The following KIRREL3 variants were observed in gnomAD, a reference collection of about 807,000 sequenced individuals.
The protein encoded by KIRREL3 is kin of IRRE-like protein 3.
Under a neutral mutation model 89.7 loss-of-function variants are expected in KIRREL3, and 36 were observed. The observed-to-expected ratio is 0.40, with a 90% confidence interval of 0.31 to 0.53. KIRREL3 has a LOEUF of 0.53. Ranked by LOEUF, KIRREL3 falls within the 20% of genes least tolerant of loss-of-function variation. The pLI is 0.49. For synonymous variants in KIRREL3, 445 were observed against 441.4 expected, an observed-to-expected ratio of 1.01 and a Z score of -0.10; for missense variants, 864 against 1,056.6, an observed-to-expected ratio of 0.82 and a Z score of 2.53.
In KIRREL3 at chr11:126,622,715, T is replaced by C. The variant is rs568723901; in HGVS notation, c.56-59803A>G. ...AAAAAACAAAAAAACAAATAAAAACTCCACAAAACTTCAGTGGAGACTAGA... is the reference window on the plus strand; with the variant it reads ...AAAAAACAAAAAAACAAATAAAAACCCCACAAAACTTCAGTGGAGACTAGA... On this transcript the variant is annotated intron_variant, in intron 1 of 16. Coordinates refer to ENST00000525144, the MANE Select transcript of KIRREL3 (RefSeq NM_032531.4). This position sits in a 1 kb window ranked among gnomAD's most constrained non-coding sequence, Gnocchi z 5.2. 3.3e-5 allele frequency among the ~76,000 whole-genome samples: 5 copies of C among 151,938 alleles called. No individual in the cohort carries two copies. Among genetic ancestry groups the C allele is most frequent in the Non-Finnish European group, 7.4e-5 (5 of 67,988 alleles).
rs1452527516 is a variant in KIRREL3 at position 126,780,605 on chromosome 11, T to C, written c.56-217693A>G. On this transcript the variant is annotated intron_variant, in intron 1 of 16. Coordinates refer to ENST00000525144, the MANE Select transcript of KIRREL3 (RefSeq NM_032531.4). This position sits in a 1 kb window ranked among gnomAD's most constrained non-coding sequence, Gnocchi z 5.3. ...AACATCAAGCTTGGGGGATGTCCCATGCAAAGGTAAACGAGTACCCAGAGG... is the reference window on the plus strand; with the variant it reads ...AACATCAAGCTTGGGGGATGTCCCACGCAAAGGTAAACGAGTACCCAGAGG... Among the ~76,000 whole-genome samples, 1 of 152,156 alleles carries C rather than the reference T, an allele frequency of 6.6e-6. No individual in the cohort carries two copies. The highest frequency in any genetic ancestry group is 2.4e-5 in the African/African-American group (1 of 41,442).
rs189688633 is a variant in KIRREL3, at chr11:126,568,589, G to A, written c.56-5677C>T. ...CACAGGGAGGCCACATGGGGCAGGGGAGGTTTCAGAACTAACAGAGCTGGC... is the reference window on the plus strand; with the variant it reads ...CACAGGGAGGCCACATGGGGCAGGGAAGGTTTCAGAACTAACAGAGCTGGC... On this transcript the variant is annotated intron_variant, in intron 1 of 16. Coordinates refer to ENST00000525144, the MANE Select transcript of KIRREL3 (RefSeq NM_032531.4). This position sits in a 1 kb window ranked among gnomAD's most constrained non-coding sequence, Gnocchi z 4.6. 9.2e-5 allele frequency among the ~76,000 whole-genome samples: 14 copies of A among 152,330 alleles called. No homozygotes were observed. In the East Asian group the frequency reaches 2.7e-3, roughly 29 times the overall value.
At chr11:126,517,772 G>A (rs879566468) in intron 4 of KIRREL3, among the ~76,000 whole-genome samples, 6 of 152,118 alleles carry the variant, frequency 3.9e-5, no homozygotes, top group Admixed American at 2.6e-4. Context: ...AGTTCTCAGC[G>A]ATCATCTTAT....
In KIRREL3 at chr11:126,715,611, T is replaced by C. The variant is rs2134156990; in HGVS notation, c.56-152699A>G. Among the ~76,000 whole-genome samples the C allele has an allele frequency of 6.6e-6, 1 of 152,212 alleles. No individual in the cohort carries two copies. The highest frequency in any genetic ancestry group is 1.5e-5 in the Non-Finnish European group (1 of 68,018). On this transcript the variant is annotated intron_variant, in intron 1 of 16. Coordinates refer to ENST00000525144, the MANE Select transcript of KIRREL3 (RefSeq NM_032531.4). The surrounding 1 kb of genome is among the most constrained non-coding windows in gnomAD (Gnocchi z 4.4). ...GGAATATAGGAGAACGTGGACCATT[T>C]TGCAAATCAAAAACAAGAGGAAAAG...
rs1444606086 is a variant in KIRREL3 at position 126,723,789 on chromosome 11, AC to A, written c.56-160878del. Among the ~76,000 whole-genome samples, 1 of 152,242 alleles carries A rather than the reference AC, an allele frequency of 6.6e-6. No homozygotes were observed. Among genetic ancestry groups the A allele is most frequent in the Non-Finnish European group, 1.5e-5 (1 of 68,046 alleles). On this transcript the variant is annotated intron_variant, in intron 1 of 16. Coordinates refer to ENST00000525144, the MANE Select transcript of KIRREL3 (RefSeq NM_032531.4). The surrounding 1 kb of genome is among the most constrained non-coding windows in gnomAD (Gnocchi z 4.0). ...GAAGAAGGAAAGATGGAAGGAAAAG[AC>A]TTGCACAGATGCTCTTTGTGACTCA...
rs150912161 is a variant in KIRREL3 at position 126,768,133 on chromosome 11, T to TATCCATCCATCCATCC, written c.56-205237_56-205222dup. On this transcript the variant is annotated intron_variant, in intron 1 of 16. Transcript: ENST00000525144. This position sits in a 1 kb window ranked among gnomAD's most constrained non-coding sequence, Gnocchi z 4.5. ...CTGTCCATCCATCTGTCTATCCATC[T>TATCCATCCATCCATCC]ATCCATCCATCCATCCATCCATCCA... Among the ~76,000 whole-genome samples, 253 of 127,516 alleles carry TATCCATCCATCCATCC rather than the reference T, an allele frequency of 2.0e-3. 3 individuals are homozygous for TATCCATCCATCCATCC. The highest frequency in any genetic ancestry group is 3.8e-3 in the Middle Eastern group (1 of 264). The allele number at this position is 127,516 out of a possible 152,430, so 83.7% of individuals were successfully genotyped here. A position where few individuals can be genotyped will look rare whatever the true frequency, so the allele number is the denominator to read the frequency against.
At chr11:126,873,242 C>T (rs557913457) in intron 1 of KIRREL3, among the ~76,000 whole-genome samples, 14 of 152,248 alleles carry the variant, frequency 9.2e-5, no homozygotes, top group African/African-American at 3.4e-4. Flanking sequence ...GTCAGATTTA[C>T]TTCTGCTGTG....
intron 1 of KIRREL3, among the ~76,000 whole-genome samples, chr11:126,785,249 G>A (rs1180799216): frequency 6.6e-6 from 1 of 152,166 alleles, no homozygotes; most frequent in East Asian, 1.9e-4. Flanking sequence ...AGCAAGCCAG[G>A]TGTCTCCTTA....
rs915359396 is a variant in KIRREL3, at chr11:126,987,696, G to A, written c.55+12759C>T. Reference sequence around the variant, plus strand: ...CATGTCCCACTGAAGTAAAAAGAAGGCATTTGAAGTATTCTATGCAGAGAT... The same window carrying A: ...CATGTCCCACTGAAGTAAAAAGAAGACATTTGAAGTATTCTATGCAGAGAT... On this transcript the variant is annotated intron_variant, in intron 1 of 16. Transcript: ENST00000525144. The surrounding 1 kb of genome is among the most constrained non-coding windows in gnomAD (Gnocchi z 4.6). 6.6e-6 allele frequency among the ~76,000 whole-genome samples: 1 copy of A among 152,184 alleles called. No individual in the cohort carries two copies. The highest frequency in any genetic ancestry group is 2.4e-5 in the African/African-American group (1 of 41,438).
In KIRREL3 at chr11:126,489,451, C is replaced by T. The variant is rs1957451796; in HGVS notation, c.434-15985G>A. On this transcript the variant is annotated intron_variant, in intron 4 of 16. Transcript: ENST00000525144. The surrounding 1 kb of genome is among the most constrained non-coding windows in gnomAD (Gnocchi z 5.5). ...TACTTTGGGAGGCGCAGATCTAGGACACATTGATAAGCATGGAGTGTCAAC... is the reference window on the plus strand; with the variant it reads ...TACTTTGGGAGGCGCAGATCTAGGATACATTGATAAGCATGGAGTGTCAAC... Among the ~76,000 whole-genome samples the T allele has an allele frequency of 6.6e-6, 1 of 152,156 alleles. No individual in the cohort carries two copies. The highest frequency in any genetic ancestry group is 1.5e-5 in the Non-Finnish European group (1 of 68,024).
At chr11:126,494,339 C>T (rs761432620) in intron 4 of KIRREL3, among the ~76,000 whole-genome samples, 1 of 152,162 alleles carries the variant, frequency 6.6e-6, no homozygotes, top group Non-Finnish European at 1.5e-5. Flanking sequence ...AATACACCTG[C>T]TTTTAAATGT....
At position 126,903,761 on chromosome 11, in the gene KIRREL3, A is replaced by C. The variant is rs975577745; in HGVS notation, c.55+96694T>G. Among the ~76,000 whole-genome samples the C allele has an allele frequency of 2.0e-5, 3 of 152,244 alleles. No homozygotes were observed. Among genetic ancestry groups the C allele is most frequent in the African/African-American group, 7.2e-5 (3 of 41,468 alleles). ...CTTTCTGTAATCACCTTAATAGGTC[A>C]ACATAACAATGGATGTTGCTGGTGG... On this transcript the variant is annotated intron_variant, in intron 1 of 16. Transcript: ENST00000525144. The surrounding 1 kb of genome is among the most constrained non-coding windows in gnomAD (Gnocchi z 4.5).
intron 1 of KIRREL3, among the ~76,000 whole-genome samples, chr11:126,714,365 T>C (rs1029626874): frequency 1.3e-5 from 2 of 152,218 alleles, no homozygotes; most frequent in Non-Finnish European, 2.9e-5. Flanking sequence ...GGCCGAGCCC[T>C]GATACTGTTG....
At position 126,900,725 on chromosome 11, in the gene KIRREL3, A is replaced by G. The variant is rs1342553397; in HGVS notation, c.55+99730T>C. On this transcript the variant is annotated intron_variant, in intron 1 of 16. Coordinates refer to ENST00000525144, the MANE Select transcript of KIRREL3 (RefSeq NM_032531.4). This position sits in a 1 kb window ranked among gnomAD's most constrained non-coding sequence, Gnocchi z 4.4. ...TAAAATCTTTCCTGTAATGATATTTAAGTGATGGGCAAGGGTATCAATGGT... is the reference window on the plus strand; with the variant it reads ...TAAAATCTTTCCTGTAATGATATTTGAGTGATGGGCAAGGGTATCAATGGT... Among the ~76,000 whole-genome samples the G allele has an allele frequency of 1.3e-5, 2 of 152,218 alleles. No individual in the cohort carries two copies. Among genetic ancestry groups the G allele is most frequent in the East Asian group, 3.8e-4 (2 of 5,200 alleles).
intron 1 of KIRREL3, among the ~76,000 whole-genome samples, chr11:126,899,762 G>A (rs1465047861): frequency 2.0e-5 from 3 of 152,240 alleles, no homozygotes; most frequent in South Asian, 2.1e-4. Context: ...GGCTAGTGAA[G>A]CAGCTGCCCC....
Position 126,526,434 on chromosome 11 carries a change from C to A in KIRREL3, c.283+104G>T, listed in dbSNP as rs188239950. ...GGAGTTGCAGTGAAAGCTAGAGATT[C>A]GATACTCAGACACCTGTGAAGATGG... On this transcript the variant is annotated intron_variant, in intron 3 of 16. Transcript: ENST00000525144. The surrounding 1 kb of genome is among the most constrained non-coding windows in gnomAD (Gnocchi z 5.7). 3.5e-6 allele frequency: 4 copies of A among 1,142,312 alleles called. No homozygotes were observed. The highest frequency in any genetic ancestry group is 5.0e-6 in the Non-Finnish European group (4 of 805,436). The allele number at this position is 1,142,312 out of a possible 1,614,324, so 70.8% of individuals were successfully genotyped here.
Position 126,906,569 on chromosome 11 carries a change from C to T in KIRREL3, c.55+93886G>A. Among the ~76,000 whole-genome samples the T allele has an allele frequency of 6.6e-6, 1 of 151,616 alleles. No homozygotes were observed. The highest frequency in any genetic ancestry group is 2.0e-4 in the East Asian group (1 of 5,038). On this transcript the variant is annotated intron_variant, in intron 1 of 16. Transcript: ENST00000525144. The surrounding 1 kb of genome is among the most constrained non-coding windows in gnomAD (Gnocchi z 4.1). ...ATAGGGACCCCCCTGCCATGAAAAA[C>T]AGCGTTGTTTTTTGTTTTTGTTTTT...
At position 126,860,731 on chromosome 11, in the gene KIRREL3, G is replaced by T. The variant is rs1341990261; in HGVS notation, c.55+139724C>A. ...CCACAGGGTGGAGAATGGGTGGCAG[G>T]CCAGTGAGGAGGCTCCTGCCCTGGT... On this transcript the variant is annotated intron_variant, in intron 1 of 16. Coordinates refer to ENST00000525144, the MANE Select transcript of KIRREL3 (RefSeq NM_032531.4). This position sits in a 1 kb window ranked among gnomAD's most constrained non-coding sequence, Gnocchi z 4.6. Among the ~76,000 whole-genome samples, 1 of 152,214 alleles carries T rather than the reference G, an allele frequency of 6.6e-6. No individual in the cohort carries two copies. Among genetic ancestry groups the T allele is most frequent in the Non-Finnish European group, 1.5e-5 (1 of 68,034 alleles).
At position 126,725,832 on chromosome 11, in the gene KIRREL3, G is replaced by A. The variant is rs535972396; in HGVS notation, c.56-162920C>T. Among the ~76,000 whole-genome samples the A allele has an allele frequency of 9.8e-5, 15 of 152,322 alleles. No homozygotes were observed. The East Asian group carries it at 2.1e-3, about 22-fold the overall frequency. On this transcript the variant is annotated intron_variant, in intron 1 of 16. Transcript: ENST00000525144. ...TCAGGATTGGCCACCAACTCACTGA[G>A]GGACTTTGTCAAGTTGCTTCCCCTC...
Sources: allele counts gnomAD v4.1 joint callset (sites outside exome capture counted in the v4.1 genomes callset), GRCh38; gene constraint gnomAD v4.1.1; non-coding constraint Gnocchi (gnomAD v3.1); transcripts MANE v1.5; gene names NCBI Gene and HGNC (gene_info 2026-07-23, HGNC 2026-07-21).